Variants in RTN4RL1 observed in about 807,000 individuals in gnomAD.
RTN4RL1 encodes the protein reticulon 4 receptor like 1.
RTN4RL1 carries 7 observed loss-of-function variants against 25.6 expected under a neutral mutation model. That is an observed-to-expected ratio of 0.27 (90% CI 0.16 to 0.51). The LOEUF (loss-of-function observed/expected upper bound fraction) is 0.51, where lower values mean the gene tolerates loss of function less well. RTN4RL1 is among the 20% of genes least tolerant of loss of function. RTN4RL1 has a pLI of 0.97. For synonymous variants in RTN4RL1, 297 were observed against 288.2 expected (o/e 1.03, Z -0.31); for missense variants, 500 against 615.6 (o/e 0.81, Z 1.99).
At chr17:1,977,084 G>A (rs1288769184) in intron 1 of RTN4RL1, among the ~76,000 whole-genome samples, 1 of 152,146 alleles carries the variant, frequency 6.6e-6, no homozygotes, top group African/African-American at 2.4e-5. Context: ...TCTGTTTATG[G>A]CAGGTGATAG....
Position 1,935,557 on chromosome 17 carries a change from A to C in RTN4RL1, c.*939T>G. On this transcript the variant is annotated 3_prime_UTR_variant, in exon 2 of 2. Transcript: ENST00000331238. ...AGGTCCCTTGGAGACTATCGTTGCC[A>C]GTTTGGGATTCTAGACAAAAATTCT... 1.0e-6 allele frequency: 1 copy of C among 985,534 alleles called. No individual in the cohort carries two copies. Among genetic ancestry groups the C allele is most frequent in the Non-Finnish European group, 1.2e-6 (1 of 829,870 alleles). The allele number at this position is 985,534 out of a possible 1,614,324, so 61.0% of individuals were successfully genotyped here.
intron 1 of RTN4RL1, among the ~76,000 whole-genome samples, chr17:1,966,301 A>C (rs1489761380): frequency 6.6e-6 from 1 of 152,158 alleles, no homozygotes; most frequent in Non-Finnish European, 1.5e-5. Flanking sequence ...TTGAGCTGTT[A>C]CCTGGGGAGG....
At chr17:1,979,874 A>C (rs1162845574) in intron 1 of RTN4RL1, among the ~76,000 whole-genome samples, 2 of 152,056 alleles carry the variant, frequency 1.3e-5, no homozygotes, top group Non-Finnish European at 2.9e-5. Flanking sequence ...AAGTGCTCAG[A>C]CCCGGAATTG....
At chr17:1,970,544 A>C (rs1057024258) in intron 1 of RTN4RL1, among the ~76,000 whole-genome samples, 4 of 152,172 alleles carry the variant, frequency 2.6e-5, no homozygotes, top group African/African-American at 9.7e-5. Flanking sequence ...CTCGTGGGAC[A>C]GGCGTGGCAG....
At chr17:1,947,776 G>A (rs536321566) in intron 1 of RTN4RL1, among the ~76,000 whole-genome samples, 17 of 152,264 alleles carry the variant, frequency 1.1e-4, no homozygotes, top group South Asian at 8.3e-4. Context: ...GGGGCTGGAC[G>A]CTGGCACTCT....
At position 1,936,502 on chromosome 17, in the gene RTN4RL1, G is replaced by C. The variant is rs773244519; in HGVS notation, c.1320C>G (p.Leu440=). ...LAWTLGLAVT[L]R ...GTGCTGACGCCCTGGGTCCTCAGCG[G>C]AGAGTGACCGCCAGCCCCAGTGTCC... Residue 440 remains leucine (L), a synonymous_variant, in exon 2 of 2, where the codon CTC becomes CTG. Coordinates refer to ENST00000331238, the MANE Select transcript of RTN4RL1 (RefSeq NM_178568.4). 1.9e-6 allele frequency: 3 copies of C among 1,544,276 alleles called. No individual in the cohort carries two copies. In the African/African-American group the frequency reaches 4.1e-5, roughly 21 times the overall value.
chr17:1,988,817 C>G (rs1216856601), intron 1 of RTN4RL1, among the ~76,000 whole-genome samples: 1 of 150,020 alleles, frequency 6.7e-6, no homozygotes, highest in Admixed American at 6.6e-5. Context: ...CAGGCTGAGG[C>G]AGGGGCAACA....
chr17:2,016,743 C>G (rs951545853), intron 1 of RTN4RL1, among the ~76,000 whole-genome samples: 21 of 152,240 alleles, frequency 1.4e-4, no homozygotes, highest in Non-Finnish European at 2.4e-4. Context: ...AGCGCCAGAG[C>G]ATAGCCATTG....
chr17:1,980,401 A>T (rs1469236344), intron 1 of RTN4RL1, among the ~76,000 whole-genome samples: 1 of 151,964 alleles, frequency 6.6e-6, no homozygotes, highest in African/African-American at 2.4e-5. Flanking sequence ...ACAAATTCCA[A>T]TTCCATAGGA....
chr17:1,947,634 G>A (rs765079728), intron 1 of RTN4RL1, among the ~76,000 whole-genome samples: 6 of 152,220 alleles, frequency 3.9e-5, no homozygotes, highest in Admixed American at 6.5e-5. Flanking sequence ...CCCTGGAGCA[G>A]GCCTGGCTGG....
At position 2,024,843 on chromosome 17, in the gene RTN4RL1, T is replaced by G; in HGVS notation, c.13+10A>C. 1.3e-6 allele frequency: 2 copies of G among 1,578,772 alleles called. No individual in the cohort carries two copies. The highest frequency in any genetic ancestry group is 1.7e-6 in the Non-Finnish European group (2 of 1,163,314). ...TTCAACTTCAACTTGCCCCTGCGGCTCCAACTCACCTTTGCGAAGCATGTT... is the reference window on the plus strand; with the variant it reads ...TTCAACTTCAACTTGCCCCTGCGGCGCCAACTCACCTTTGCGAAGCATGTT... On this transcript the variant is annotated intron_variant, in intron 1 of 1. Coordinates refer to ENST00000331238, the MANE Select transcript of RTN4RL1 (RefSeq NM_178568.4).
chr17:1,961,814 G>GGC (rs1567510346), intron 1 of RTN4RL1, among the ~76,000 whole-genome samples: 9 of 147,854 alleles, frequency 6.1e-5, no homozygotes, highest in South Asian at 2.2e-4. Context: ...AGGGCGTGGT[G>GGC]GCATGTGCCT....
intron 1 of RTN4RL1, among the ~76,000 whole-genome samples, chr17:1,980,862 C>CA (rs1401955790): frequency 1.1e-5 from 1 of 92,926 alleles, no homozygotes; most frequent in African/African-American, 3.9e-5. Context: ...CAGGAGGTGG[C>CA]AGTGCGGTGT....
chr17:2,004,748 G>A (rs948073422), intron 1 of RTN4RL1, among the ~76,000 whole-genome samples: 5 of 152,232 alleles, frequency 3.3e-5, no homozygotes, highest in African/African-American at 9.6e-5. Flanking sequence ...TCCACCCTAC[G>A]TGACCTGTCC....
intron 1 of RTN4RL1, among the ~76,000 whole-genome samples, chr17:1,989,449 G>A (rs569367130): frequency 1.3e-5 from 2 of 151,996 alleles, no homozygotes; most frequent in Non-Finnish European, 2.9e-5. Context: ...GCTCTACTGC[G>A]AGCACGCTGG....
In RTN4RL1 at chr17:1,994,708, C is replaced by A. The variant is rs938369201; in HGVS notation, c.13+30145G>T. On this transcript the variant is annotated intron_variant, in intron 1 of 1. Transcript: ENST00000331238. The surrounding 1 kb of genome is among the most constrained non-coding windows in gnomAD (Gnocchi z 4.3). Reference sequence around the variant, plus strand: ...CGGTCAACACAAGCAGGCTCTGCTGCCTCCCACCTCCAAGCCTCAGTTTCC... The same window carrying A: ...CGGTCAACACAAGCAGGCTCTGCTGACTCCCACCTCCAAGCCTCAGTTTCC... 6.6e-6 allele frequency among the ~76,000 whole-genome samples: 1 copy of A among 152,182 alleles called. No homozygotes were observed. Among genetic ancestry groups the A allele is most frequent in the African/African-American group, 2.4e-5 (1 of 41,446 alleles).
At chr17:1,981,718 G>C (rs2066868166) in intron 1 of RTN4RL1, among the ~76,000 whole-genome samples, 2 of 152,220 alleles carry the variant, frequency 1.3e-5, no homozygotes, top group South Asian at 4.1e-4. Flanking sequence ...AGCCTGGACT[G>C]CTGTTCTCCC....
At chr17:2,003,220 A>T (rs544678471) in intron 1 of RTN4RL1, 1 of 152,340 alleles carries the variant, frequency 6.6e-6, no homozygotes, top group Non-Finnish European at 1.5e-5. Flanking sequence ...GCAGCCTACG[A>T]GAGTCCTGAA....
chr17:2,007,284 C>G (rs964292897), intron 1 of RTN4RL1, among the ~76,000 whole-genome samples: 1 of 151,804 alleles, frequency 6.6e-6, no homozygotes. Flanking sequence ...CCTTCCTCCT[C>G]TGGATCACCC....
Sources: allele counts gnomAD v4.1 joint callset (sites outside exome capture counted in the v4.1 genomes callset), GRCh38; gene constraint gnomAD v4.1.1; non-coding constraint Gnocchi (gnomAD v3.1); transcripts MANE v1.5; gene names NCBI Gene and HGNC (gene_info 2026-07-23, HGNC 2026-07-21).